STAG2: variants seen among roughly 807,000 people sequenced by gnomAD.
The protein encoded by STAG2 is STAG2 cohesin complex component.
A neutral mutation model predicts 108.1 loss-of-function variants in STAG2; 14 were observed. The ratio of observed to expected loss-of-function variants is 0.13; its 90% confidence interval spans 0.09 to 0.20. The LOEUF (loss-of-function observed/expected upper bound fraction) is 0.20. Ranked by LOEUF, STAG2 falls within the 10% of genes least tolerant of loss-of-function variation. The pLI is 1.00. For missense variants in STAG2, 440 were observed against 940.9 expected, an observed-to-expected ratio of 0.47 and a Z score of 6.96; for synonymous variants, 307 against 302.7, an observed-to-expected ratio of 1.01 and a Z score of -0.15.
chrX:124,059,109 G>A (rs975322476), intron 15 of STAG2, among the ~76,000 whole-genome samples: 20 of 111,844 alleles, frequency 1.8e-4, no homozygotes, highest in African/African-American at 5.5e-4. Context: ...TTGAGGCCAG[G>A]AGTTTGAGAC....
At chrX:124,005,439 T>C (rs1369297107) in intron 1 of STAG2, among the ~76,000 whole-genome samples, 2 of 111,643 alleles carry the variant, frequency 1.8e-5, no homozygotes, top group Non-Finnish European at 3.8e-5. Context: ...ACACTACTCA[T>C]TTAGTTACAC....
intron 25 of STAG2, among the ~76,000 whole-genome samples, chrX:124,075,088 T>C (rs1385572362): frequency 2.7e-5 from 3 of 111,821 alleles, no homozygotes; most frequent in Non-Finnish European, 3.8e-5. Flanking sequence ...CTAGAAGTTA[T>C]CAAAGATTAC....
chrX:124,039,462 C>T (rs1045433252), intron 6 of STAG2, among the ~76,000 whole-genome samples: 2 of 109,370 alleles, frequency 1.8e-5, no homozygotes, highest in African/African-American at 6.6e-5. Flanking sequence ...TTTTATTTTT[C>T]GTAGAGACAG....
chrX:124,052,513 A>G (rs1420822470), intron 13 of STAG2, among the ~76,000 whole-genome samples: 1 of 112,585 alleles, frequency 8.9e-6, no homozygotes, highest in African/African-American at 3.2e-5. Context: ...ACTCCTGTTT[A>G]TAGCTGAATA....
At chrX:124,033,066 T>G (rs944399146) in intron 5 of STAG2, among the ~76,000 whole-genome samples, 1 of 112,596 alleles carries the variant, frequency 8.9e-6, no homozygotes, top group African/African-American at 3.2e-5. Flanking sequence ...CCAGATTTAT[T>G]CATACCATTC....
chrX:124,005,311 A>G (rs916079496), intron 1 of STAG2, among the ~76,000 whole-genome samples: 3 of 111,746 alleles, frequency 2.7e-5, no homozygotes, highest in African/African-American at 9.8e-5. Flanking sequence ...CTATGTTTGC[A>G]TGTTTTATGT....
At chrX:123,972,864 T>TACAA in intron 1 of STAG2, among the ~76,000 whole-genome samples, 1 of 7,930 alleles carries the variant, frequency 1.3e-4, no homozygotes, top group Admixed American at 1.4e-3. Context: ...CTACCAAAAA[T>TACAA]ACAAAAAAAA....
chrX:124,039,991 T>C (rs2057656755), intron 6 of STAG2, among the ~76,000 whole-genome samples: 1 of 111,653 alleles, frequency 9.0e-6, no homozygotes, highest in East Asian at 2.8e-4. Flanking sequence ...AATTGTAAGG[T>C]TAATTTAAGC....
intron 1 of STAG2, among the ~76,000 whole-genome samples, chrX:123,962,616 CCTT>C (rs1338975653): frequency 1.8e-5 from 2 of 111,328 alleles, no homozygotes; most frequent in Non-Finnish European, 3.8e-5. Context: ...CCCTCTCCCT[CCTT>C]CTTTCTCTTG....
At position 124,086,533 on chromosome X, in the gene STAG2, G is replaced by A. The variant is rs111369025; in HGVS notation, c.3054-14G>A. On this transcript the variant is annotated splice_polypyrimidine_tract_variant and intron_variant, in intron 29 of 34. Coordinates refer to ENST00000371145, the MANE Select transcript of STAG2 (RefSeq NM_001042750.2). ...TTTCTGTATCAAAGCTAACAGTTTC[G>A]ATTTCTTTTCAAGGTATGTTTACTT... 3.6e-4 allele frequency: 424 copies of A among 1,177,567 alleles called. 1 individual carries two copies. In the African/African-American group the frequency reaches 6.4e-3, roughly 18 times the overall value.
chrX:124,064,507 G>A (rs1433617229), intron 20 of STAG2, among the ~76,000 whole-genome samples: 4 of 106,026 alleles, frequency 3.8e-5, no homozygotes, highest in African/African-American at 6.9e-5. Flanking sequence ...GCAGTGGTAC[G>A]ATCTCGGCTC....
In STAG2 at chrX:124,077,977, T is replaced by C. The variant is rs1405156086; in HGVS notation, c.2694T>C (p.Asp898=). 7 of 1,178,233 alleles carry C rather than the reference T, an allele frequency of 5.9e-6. No individual in the cohort carries two copies. The highest frequency in any genetic ancestry group is 1.8e-5 in the African/African-American group (1 of 56,006). Residue 898 remains aspartate, a synonymous_variant, in exon 27 of 35, where the codon GAT becomes GAC. Coordinates refer to ENST00000371145, the MANE Select transcript of STAG2 (RefSeq NM_001042750.2). The part of the protein sequence containing the change: ...QYMKYYNDYG[D]IIKETMSKTR... ...TATAGTATTATAATGACTATGGAGATATCATCAAAGAAACAATGAGTAAAA... is the reference window on the plus strand; with the variant it reads ...TATAGTATTATAATGACTATGGAGACATCATCAAAGAAACAATGAGTAAAA...
rs768977083 is a variant in STAG2, at chrX:123,982,176, T to TA, written c.-163+20338dup. Among the ~76,000 whole-genome samples, 533 of 55,183 alleles carry TA rather than the reference T, an allele frequency of 9.7e-3. 5 individuals are homozygous for TA. Among genetic ancestry groups the TA allele is most frequent in the South Asian group, 0.014 (17 of 1,195 alleles). The allele number at this position is 55,183 out of a possible 115,157, so 47.9% of individuals were successfully genotyped here. A position where few individuals can be genotyped will look rare whatever the true frequency, so the allele number is the denominator to read the frequency against. On this transcript the variant is annotated intron_variant, in intron 1 of 34. Coordinates refer to ENST00000371145, the MANE Select transcript of STAG2 (RefSeq NM_001042750.2). ...GGTAACAGCAAGACCCTGTCTCTAC[T>TA]AAAAAAAAAAAAAAAAAAGCCATAG...
At position 123,983,974 on chromosome X, in the gene STAG2, CTTTTTTTTTT is replaced by C. The variant is rs199881082; in HGVS notation, c.-163+22130_-163+22139del. On this transcript the variant is annotated intron_variant, in intron 1 of 34. Coordinates refer to ENST00000371145, the MANE Select transcript of STAG2 (RefSeq NM_001042750.2). ...AAAAAGAATAATTTTCTTTTCTTTT[CTTTTTTTTTT>C]TTTTTTTTTTTGAGACGGGGTTTCG... 8.1e-5 allele frequency among the ~76,000 whole-genome samples: 5 copies of C among 61,462 alleles called. No homozygotes were observed. In the South Asian group the frequency reaches 3.1e-3, roughly 38 times the overall value. The allele number at this position is 61,462 out of a possible 115,157, so 53.4% of individuals were successfully genotyped here.
At chrX:124,007,284 T>C (rs1051602552) in intron 1 of STAG2, among the ~76,000 whole-genome samples, 1 of 111,148 alleles carries the variant, frequency 9.0e-6, no homozygotes, top group Non-Finnish European at 1.9e-5. Context: ...CCCAAAGTGC[T>C]GGGATTACAA....
intron 8 of STAG2, 50 bp from the exon 9 acceptor site, chrX:124,047,304 T>C: frequency 9.4e-7 from 1 of 1,064,095 alleles, no homozygotes; most frequent in Non-Finnish European, 1.2e-6. Context: ...AATTGTAAAT[T>C]TTTGTGTCTG....
chrX:124,030,441 G>T (rs2148057827), intron 4 of STAG2, among the ~76,000 whole-genome samples: 1 of 111,796 alleles, frequency 8.9e-6, no homozygotes, highest in African/African-American at 3.3e-5. Context: ...GTTTCTGTTG[G>T]TCTTCCTACC....
chrX:124,028,376 G>A (rs913795814), intron 4 of STAG2, among the ~76,000 whole-genome samples: 5 of 111,346 alleles, frequency 4.5e-5, no homozygotes, highest in Non-Finnish European at 9.4e-5. Context: ...GATGATTCAC[G>A]TCCTGGGTGG....
At chrX:123,995,289 A>G (rs770746224) in intron 1 of STAG2, among the ~76,000 whole-genome samples, 1 of 112,333 alleles carries the variant, frequency 8.9e-6, no homozygotes, top group Non-Finnish European at 1.9e-5. Flanking sequence ...GGGCTTTTGC[A>G]CAACGAATCC....
Sources: allele counts gnomAD v4.1 joint callset (sites outside exome capture counted in the v4.1 genomes callset), GRCh38; gene constraint gnomAD v4.1.1; transcripts MANE v1.5; gene names NCBI Gene and HGNC (gene_info 2026-07-23, HGNC 2026-07-21).